TRIM24: variants seen among roughly 807,000 people sequenced by gnomAD.
TRIM24 encodes transcription intermediary factor 1-alpha.
A neutral mutation model predicts 123.9 loss-of-function variants in TRIM24; 29 were observed. The ratio of observed to expected loss-of-function variants is 0.23; its 90% CI spans 0.17 to 0.32. The LOEUF is 0.32. TRIM24 is among the 10% of genes least tolerant of loss of function. The probability of loss-of-function intolerance (pLI) is 1.00; values close to 1 mark genes in which losing one functional copy is unlikely to be tolerated. For missense variants in TRIM24, 932 were observed against 1,295.3 expected (o/e 0.72, Z 4.31); for synonymous variants, 456 against 461.1 (o/e 0.99, Z 0.14).
chr7:138,480,015 C>A (rs547736338), intron 1 of TRIM24, among the ~76,000 whole-genome samples: 22 of 152,100 alleles, frequency 1.4e-4, no homozygotes, highest in African/African-American at 3.9e-4. Context: ...GACAGGGTTT[C>A]GCCATGTTGG....
chr7:138,525,362 T>A lies in TRIM24; in HGVS notation c.881+5T>A. 1.4e-6 allele frequency: 2 copies of A among 1,397,318 alleles called. No individual in the cohort carries two copies. The highest frequency in any genetic ancestry group is 2.6e-5 in the East Asian group (1 of 38,724). The allele number at this position is 1,397,318 out of a possible 1,614,324, so 86.6% of individuals were successfully genotyped here. On this transcript the variant is annotated splice_donor_5th_base_variant and intron_variant, in intron 5 of 18. Transcript: ENST00000343526. ...AGGAAATCAGATCCAAAACAGGTAA[T>A]TTTATGGTATTATGTAATCATTTTT...
intron 12 of TRIM24, among the ~76,000 whole-genome samples, chr7:138,574,695 A>G (rs530733701): frequency 2.6e-5 from 4 of 151,500 alleles, no homozygotes; most frequent in South Asian, 4.1e-4. Flanking sequence ...ACTCTCATAC[A>G]TAGGTGGAAG....
At chr7:138,543,517 C>G (rs1203384873) in intron 7 of TRIM24, among the ~76,000 whole-genome samples, 1 of 152,154 alleles carries the variant, frequency 6.6e-6, no homozygotes, top group Non-Finnish European at 1.5e-5. Context: ...CATGTTTACT[C>G]AGGTTATCCT....
At chr7:138,476,594 A>C (rs77472505) in intron 1 of TRIM24, among the ~76,000 whole-genome samples, 1 of 60,242 alleles carries the variant, frequency 1.7e-5, no homozygotes, top group African/African-American at 5.6e-5. Context: ...CTCCGTCTCA[A>C]AAAAAAAAAA....
Position 138,584,900 on chromosome 7 carries a change from G to C in TRIM24, c.3102G>C (p.Gln1034His). Residue 1034 changes from glutamine to histidine, a missense_variant, in exon 19 of 19, where the codon CAG becomes CAC. Gln to His is a conservative substitution (Grantham distance 24, BLOSUM62 0). This residue lies in a region of TRIM24 where 104 missense variants were observed against 121.5 expected (regional missense o/e 0.86). Transcript: ENST00000343526. ...FSDDSDDDFV[Q>H]PRKKRLKSIE... ...ATGATTCAGATGATGACTTTGTACAGCCCCGGAAGAAACGCCTCAAAAGCA... is the reference window on the plus strand; with the variant it reads ...ATGATTCAGATGATGACTTTGTACACCCCCGGAAGAAACGCCTCAAAAGCA... 6.2e-7 allele frequency: 1 copy of C among 1,613,450 alleles called. No individual in the cohort carries two copies. Among genetic ancestry groups the C allele is most frequent in the Non-Finnish European group, 8.5e-7 (1 of 1,179,784 alleles).
At chr7:138,553,587 A>G (rs753495704) in intron 8 of TRIM24, among the ~76,000 whole-genome samples, 75 of 152,204 alleles carry the variant, frequency 4.9e-4, no homozygotes, top group South Asian at 8.3e-4. Context: ...GTTTTAAGCC[A>G]GTCAATGTAT....
chr7:138,507,410 G>C (rs1796173755), intron 2 of TRIM24, among the ~76,000 whole-genome samples: 2 of 149,722 alleles, frequency 1.3e-5, no homozygotes, highest in Non-Finnish European at 3.0e-5. Flanking sequence ...GCCCAGGCTG[G>C]AGTGCAATGG....
chr7:138,521,535 A>T (rs1214173999), intron 4 of TRIM24, among the ~76,000 whole-genome samples: 1 of 152,226 alleles, frequency 6.6e-6, no homozygotes, highest in African/African-American at 2.4e-5. Context: ...GGCCAAAAAA[A>T]TGAGAAAAAG....
At chr7:138,578,287 AATG>A (rs72407666) in intron 14 of TRIM24, among the ~76,000 whole-genome samples, 2 of 152,020 alleles carry the variant, frequency 1.3e-5, no homozygotes, top group Non-Finnish European at 1.5e-5. Flanking sequence ...TAATAATAAT[AATG>A]ATGTAAACAA....
At chr7:138,570,028 A>C (rs1584744085) in intron 10 of TRIM24, among the ~76,000 whole-genome samples, 1 of 151,090 alleles carries the variant, frequency 6.6e-6, no homozygotes, top group African/African-American at 2.4e-5. Context: ...GCTCACTGCA[A>C]CCTCTGCCTC....
intron 4 of TRIM24, among the ~76,000 whole-genome samples, chr7:138,520,095 GT>G (rs1796475614): frequency 6.6e-6 from 1 of 152,214 alleles, no homozygotes; most frequent in Non-Finnish European, 1.5e-5. Context: ...TTGGGTTGGA[GT>G]TGGGGCTAAG....
At chr7:138,483,994 A>T (rs1795590199) in intron 1 of TRIM24, among the ~76,000 whole-genome samples, 1 of 152,234 alleles carries the variant, frequency 6.6e-6, no homozygotes, top group Non-Finnish European at 1.5e-5. Context: ...CGGTTTTACC[A>T]GAATCAAGGC....
chr7:138,490,675 G>T, intron 1 of TRIM24: 1 of 399,844 alleles, frequency 2.5e-6, no homozygotes, highest in Non-Finnish European at 4.8e-6. Flanking sequence ...CCTTCACTGT[G>T]AAGCTCCATG....
intron 2 of TRIM24, among the ~76,000 whole-genome samples, chr7:138,509,521 G>A (rs1796240618): frequency 1.3e-5 from 2 of 150,000 alleles, no homozygotes; most frequent in African/African-American, 2.4e-5. Context: ...GACCAATATG[G>A]TGAAAGCCCG....
chr7:138,520,150 A>G (rs973561570), intron 4 of TRIM24, among the ~76,000 whole-genome samples: 2 of 152,186 alleles, frequency 1.3e-5, no homozygotes, highest in African/African-American at 4.8e-5. Context: ...TTGCCCAGAG[A>G]TTGAGGAGTA....
At chr7:138,534,505 T>C (rs1796821390) in intron 6 of TRIM24, among the ~76,000 whole-genome samples, 1 of 152,232 alleles carries the variant, frequency 6.6e-6, no homozygotes, top group Non-Finnish European at 1.5e-5. Flanking sequence ...TTGTTCAGTT[T>C]CCATGTAGTT....
intron 7 of TRIM24, among the ~76,000 whole-genome samples, chr7:138,540,370 G>A (rs1796977957): frequency 6.6e-6 from 1 of 152,128 alleles, no homozygotes; most frequent in Non-Finnish European, 1.5e-5. Context: ...CTCAAAGCCA[G>A]TAGCTGCGGT....
intron 2 of TRIM24, among the ~76,000 whole-genome samples, chr7:138,514,181 A>G (rs1796346600): frequency 6.6e-6 from 1 of 152,170 alleles, no homozygotes; most frequent in African/African-American, 2.4e-5. Flanking sequence ...TGCTGAGTGA[A>G]GTGGAAAAAA....
At chr7:138,574,011 A>G (rs1396553358) in intron 12 of TRIM24, among the ~76,000 whole-genome samples, 1 of 152,150 alleles carries the variant, frequency 6.6e-6, no homozygotes, top group Non-Finnish European at 1.5e-5. Context: ...GCCTTAAGCA[A>G]TCCTTTCTGC....
Sources: gnomAD v4.1 joint callset for allele counts (sites outside exome capture counted in the v4.1 genomes callset) on GRCh38, gnomAD v4.1.1 for gene constraint, gnomAD v4.1.1 regional missense constraint, MANE v1.5 for transcripts, NCBI Gene and HGNC (gene_info 2026-07-23, HGNC 2026-07-21) for gene names.